Variants in ZNF469 observed in about 807,000 individuals in gnomAD.
ZNF469 encodes the protein zinc finger protein 469.
ZNF469 carries 1 observed loss-of-function variant against 1.0 expected under a neutral mutation model. That is an observed-to-expected ratio of 1.00 (90% CI 0.35 to 4.73). The LOEUF is 4.73. Among genes scored for constraint, ZNF469 ranks in the 30% most tolerant of loss-of-function variants. The pLI is 0.16. For missense variants in ZNF469, 6,100 were observed against 5,356.3 expected (o/e 1.14, Z -4.33); for synonymous variants, 2,703 against 2,363.4 (o/e 1.14, Z -4.17).
chr16:88,387,881 C>A (rs1904379937), intron 1 of ZNF469, among the ~76,000 whole-genome samples: 1 of 152,198 alleles, frequency 6.6e-6, no homozygotes, highest in Non-Finnish European at 1.5e-5. Flanking sequence ...ATCTCCCCAG[C>A]CCTTGCTCCT....
the ZNF469 span, among the ~76,000 whole-genome samples, chr16:88,190,178 T>G: frequency 2.7e-3 from 410 of 152,330 alleles, 4 homozygotes; most frequent in African/African-American, 9.6e-3. Context: ...CAAAACCTTC[T>G]CATTTTTCTG....
At chr16:88,133,309 C>A in the ZNF469 span, among the ~76,000 whole-genome samples, 2 of 152,254 alleles carry the variant, frequency 1.3e-5, no homozygotes, top group South Asian at 4.1e-4. Context: ...CGATCCCGCA[C>A]ATTCCCAGCG....
At chr16:88,201,744 A>C in the ZNF469 span, among the ~76,000 whole-genome samples, 1 of 152,252 alleles carries the variant, frequency 6.6e-6, no homozygotes, top group East Asian at 1.9e-4. This position sits in a 1 kb window ranked among gnomAD's most constrained non-coding sequence, Gnocchi z 5.0. Flanking sequence ...CTTACATGCC[A>C]GTGCCTGGCA....
At chr16:88,201,947 G>A in the ZNF469 span, among the ~76,000 whole-genome samples, 1 of 152,148 alleles carries the variant, frequency 6.6e-6, no homozygotes, top group Non-Finnish European at 1.5e-5. This position sits in a 1 kb window ranked among gnomAD's most constrained non-coding sequence, Gnocchi z 5.0. Context: ...TCCCATGCGG[G>A]CCCACCCTGC....
intron 1 of ZNF469, among the ~76,000 whole-genome samples, chr16:88,423,757 T>A (rs1204742084): frequency 2.6e-5 from 4 of 152,196 alleles, no homozygotes; most frequent in Admixed American, 2.6e-4. Flanking sequence ...TCATGGCCTC[T>A]CCACGGGGCT....
chr16:88,350,798 C>G, the ZNF469 span, among the ~76,000 whole-genome samples: 1 of 152,212 alleles, frequency 6.6e-6, no homozygotes, highest in South Asian at 2.1e-4. Flanking sequence ...GCAGAGGACC[C>G]TGAGCCCAGC....
chr16:88,122,481 G>A, the ZNF469 span, among the ~76,000 whole-genome samples: 10 of 150,048 alleles, frequency 6.7e-5, no homozygotes, highest in Non-Finnish European at 1.3e-4. Flanking sequence ...TCACATTCCC[G>A]TCACTCGCTA....
chr16:88,381,338 A>G (rs1020189431), upstream of ZNF469, among the ~76,000 whole-genome samples: 1 of 141,286 alleles, frequency 7.1e-6, no homozygotes, highest in Non-Finnish European at 1.5e-5. Context: ...ATGCACTCGC[A>G]CACAGACACA....
the ZNF469 span, among the ~76,000 whole-genome samples, chr16:88,208,634 A>AGG: frequency 0.049 from 4,543 of 91,788 alleles, 154 homozygotes; most frequent in Non-Finnish European, 0.066. Flanking sequence ...AGTGGGAGGG[A>AGG]GAGAAGAAGG....
At chr16:88,305,092 C>T in the ZNF469 span, among the ~76,000 whole-genome samples, 4 of 152,166 alleles carry the variant, frequency 2.6e-5, no homozygotes, top group Non-Finnish European at 5.9e-5. Flanking sequence ...CAGTGATGGG[C>T]ATCAGCAGGA....
the ZNF469 span, among the ~76,000 whole-genome samples, chr16:88,329,323 A>C: frequency 6.6e-6 from 1 of 152,234 alleles, no homozygotes; most frequent in African/African-American, 2.4e-5. Flanking sequence ...CTGGGTTAGT[A>C]TTGATCCAGA....
At chr16:88,371,872 GTCACCA>G in the ZNF469 span, among the ~76,000 whole-genome samples, 1 of 110,270 alleles carries the variant, frequency 9.1e-6, no homozygotes, top group African/African-American at 3.7e-5. Flanking sequence ...CACCATCATC[GTCACCA>G]TCACCATTAT....
chr16:88,324,422 G>A, the ZNF469 span, among the ~76,000 whole-genome samples: 1 of 152,254 alleles, frequency 6.6e-6, no homozygotes, highest in Non-Finnish European at 1.5e-5. Context: ...GCTCTCAGGT[G>A]TGAACACACG....
In ZNF469 at chr16:88,438,674, G is replaced by C. The variant is rs1412988883; in HGVS notation, c.11204G>C (p.Ser3735Thr). 6 of 1,550,058 alleles carry C rather than the reference G, an allele frequency of 3.9e-6. No individual in the cohort carries two copies. The highest frequency in any genetic ancestry group is 5.2e-6 in the Non-Finnish European group (6 of 1,146,864). ...AAACCCGGCCCCAGCTCCCAGGGCA[G>C]TGGAAGCCCTCGCCCCGGCACCAAG... ...KAKPGPSSQG[S>T]GSPRPGTKTG... Residue 3735 changes from serine to threonine, a missense_variant, in exon 3 of 3, where the codon AGT becomes ACT. Transcript: ENST00000565624.
chr16:88,342,028 G>A, the ZNF469 span, among the ~76,000 whole-genome samples: 2 of 152,076 alleles, frequency 1.3e-5, no homozygotes, highest in African/African-American at 4.8e-5. Context: ...GGCAGCTCCA[G>A]CCAACAGGGT....
intron 1 of ZNF469, among the ~76,000 whole-genome samples, chr16:88,386,735 T>G (rs1372423049): frequency 2.6e-5 from 4 of 152,174 alleles, no homozygotes; most frequent in Non-Finnish European, 5.9e-5. Flanking sequence ...GCCTCTCAAC[T>G]GAACCCCATG....
At chr16:88,284,327 TA>T in the ZNF469 span, among the ~76,000 whole-genome samples, 4 of 152,176 alleles carry the variant, frequency 2.6e-5, no homozygotes, top group East Asian at 7.7e-4. Context: ...GGCTCACGCC[TA>T]TAATCCCAGC....
At chr16:88,255,290 G>T in the ZNF469 span, among the ~76,000 whole-genome samples, 13 of 152,298 alleles carry the variant, frequency 8.5e-5, no homozygotes, top group East Asian at 2.1e-3. Context: ...AGAATATAGT[G>T]CTAAGCCAGA....
chr16:88,311,948 C>T, the ZNF469 span, among the ~76,000 whole-genome samples: 1 of 152,174 alleles, frequency 6.6e-6, no homozygotes, highest in African/African-American at 2.4e-5. Flanking sequence ...TGAAGACATA[C>T]CCAAGACTGG....
Sources: gnomAD v4.1 joint callset for allele counts (sites outside exome capture counted in the v4.1 genomes callset) on GRCh38, gnomAD v4.1.1 for gene constraint, Gnocchi (gnomAD v3.1) non-coding constraint, MANE v1.5 for transcripts, NCBI Gene and HGNC (gene_info 2026-07-23, HGNC 2026-07-21) for gene names.